The following SMARCA2 variants were observed in gnomAD, a reference collection of about 807,000 sequenced individuals.
The protein encoded by SMARCA2 is SWI/SNF-related matrix-associated actin-dependent regulator of chromatin subfamily A member 2.
A neutral mutation model predicts 199.8 loss-of-function variants in SMARCA2; 61 were observed. That is an observed-to-expected ratio of 0.31 (90% CI 0.25 to 0.38). The LOEUF (loss-of-function observed/expected upper bound fraction) is 0.38, where lower values mean the gene tolerates loss of function less well. SMARCA2 is among the 10% of genes least tolerant of loss of function. SMARCA2 has a pLI of 1.00. For missense variants in SMARCA2, 1,344 were observed against 2,012.2 expected (o/e 0.67, Z 6.35); for synonymous variants, 935 against 732.0 (o/e 1.28, Z -4.48).
chr9:2,161,622 C>G lies in SMARCA2; in HGVS notation c.3982-64C>G. 1 of 1,084,722 alleles carries G rather than the reference C, an allele frequency of 9.2e-7. No individual in the cohort carries two copies. Among genetic ancestry groups the G allele is most frequent in the Non-Finnish European group, 1.4e-6 (1 of 722,246 alleles). 67.2% of individuals were successfully genotyped at this position (1,084,722 alleles called of 1,614,324 possible). ...TGTTGGAGCTATATATAAATATACA[C>G]ATACTTTTTTTGTCTTGGTTATTCT... On this transcript the variant is annotated intron_variant, in intron 27 of 33. Coordinates refer to ENST00000349721, the MANE Select transcript of SMARCA2 (RefSeq NM_003070.5). The surrounding 1 kb of genome is among the most constrained non-coding windows in gnomAD (Gnocchi z 4.7).
intron 2 of SMARCA2, among the ~76,000 whole-genome samples, chr9:2,030,859 G>A (rs1050011688): frequency 5.3e-5 from 8 of 152,064 alleles, no homozygotes; most frequent in South Asian, 2.1e-4. Context: ...TTTAGGGTAG[G>A]GCATCAGAGC....
intron 10 of SMARCA2, among the ~76,000 whole-genome samples, chr9:2,072,507 T>TGG (rs200598139): frequency 6.6e-6 from 1 of 152,204 alleles, no homozygotes; most frequent in African/African-American, 2.4e-5. Context: ...GTTAGACCCC[T>TGG]GGGGGGTTAG....
intron 29 of SMARCA2, among the ~76,000 whole-genome samples, chr9:2,173,002 A>G (rs993048727): frequency 6.6e-6 from 1 of 152,168 alleles, no homozygotes; most frequent in Admixed American, 6.5e-5. Context: ...AGTAGGTAGG[A>G]AGACAAGGGA....
intron 31 of SMARCA2, among the ~76,000 whole-genome samples, chr9:2,185,581 G>T (rs1009948527): frequency 6.6e-6 from 1 of 152,154 alleles, no homozygotes; most frequent in African/African-American, 2.4e-5. Flanking sequence ...TGAGGAAAAG[G>T]ACCATTTTTG....
chr9:2,067,897 T>G (rs1035117183), intron 9 of SMARCA2, among the ~76,000 whole-genome samples: 1 of 152,230 alleles, frequency 6.6e-6, no homozygotes, highest in African/African-American at 2.4e-5. Flanking sequence ...GAAAGTATCC[T>G]TCAGAATAGT....
At chr9:2,150,551 C>A (rs1287700442) in intron 27 of SMARCA2, among the ~76,000 whole-genome samples, 1 of 151,628 alleles carries the variant, frequency 6.6e-6, no homozygotes, top group Non-Finnish European at 1.5e-5. Context: ...ATAAAGCCTG[C>A]CATCGTTTAC....
intron 27 of SMARCA2, among the ~76,000 whole-genome samples, chr9:2,129,291 G>A (rs896277154): frequency 1.2e-4 from 18 of 152,234 alleles, no homozygotes; most frequent in African/African-American, 4.1e-4. Context: ...GGTGGCACGT[G>A]CCTGTAGTCC....
chr9:2,052,572 G>T (rs190838160), intron 5 of SMARCA2, among the ~76,000 whole-genome samples: 1 of 152,194 alleles, frequency 6.6e-6, no homozygotes, highest in Non-Finnish European at 1.5e-5. Context: ...AACGAATAAC[G>T]TGCGTATAGC....
chr9:2,122,668 G>A (rs983576800), intron 26 of SMARCA2, among the ~76,000 whole-genome samples: 10 of 152,132 alleles, frequency 6.6e-5, no homozygotes, highest in Admixed American at 1.3e-4. Flanking sequence ...TTGGGTTTGC[G>A]TAGATATTTC....
chr9:2,131,412 C>T (rs778893595), intron 27 of SMARCA2, among the ~76,000 whole-genome samples: 4 of 152,094 alleles, frequency 2.6e-5, no homozygotes, highest in Admixed American at 1.3e-4. Context: ...TGCAGTTGGG[C>T]CCCAGTAAAC....
chr9:2,119,224 G>A lies in SMARCA2; in HGVS notation c.3685-234G>A, dbSNP rs1823344115. Among the ~76,000 whole-genome samples the A allele has an allele frequency of 6.6e-6, 1 of 152,182 alleles. No individual in the cohort carries two copies. The highest frequency in any genetic ancestry group is 6.5e-5 in the Admixed American group (1 of 15,284). On this transcript the variant is annotated intron_variant, in intron 25 of 33. Coordinates refer to ENST00000349721, the MANE Select transcript of SMARCA2 (RefSeq NM_003070.5). This position sits in a 1 kb window ranked among gnomAD's most constrained non-coding sequence, Gnocchi z 4.6. The stretch of plus-strand genomic sequence containing the variant: ...ACAGAATCAAGATACACATCCAGGA[G>A]AACTCATATTTCTTATAGTGGACCA...
chr9:2,107,249 G>A (rs1206626129), intron 23 of SMARCA2, among the ~76,000 whole-genome samples: 1 of 152,148 alleles, frequency 6.6e-6, no homozygotes, highest in Non-Finnish European at 1.5e-5. Flanking sequence ...CCATAGCTTT[G>A]TATGAAAAAT....
chr9:2,015,476 A>AC (rs1373848845), intron 1 of SMARCA2, 72 bp downstream of exon 1: 1 of 152,642 alleles, frequency 6.6e-6, no homozygotes, highest in East Asian at 1.9e-4. Flanking sequence ...CGCCGCTCAG[A>AC]CCCCTCCGGC....
chr9:2,051,829 C>T (rs1013177728), intron 5 of SMARCA2, among the ~76,000 whole-genome samples: 2 of 151,860 alleles, frequency 1.3e-5, no homozygotes, highest in African/African-American at 4.8e-5. Context: ...TTATTTTTTC[C>T]CTTTAAATTA....
chr9:2,049,521 C>T (rs748614704), intron 5 of SMARCA2, among the ~76,000 whole-genome samples: 15 of 152,300 alleles, frequency 9.8e-5, no homozygotes, highest in South Asian at 4.1e-4. Flanking sequence ...TTATAAATGC[C>T]TACTCTTTTG....
chr9:2,102,291 T>C (rs531636152), intron 22 of SMARCA2, among the ~76,000 whole-genome samples: 1 of 152,292 alleles, frequency 6.6e-6, no homozygotes, highest in African/African-American at 2.4e-5. Flanking sequence ...GCTGCTAAGC[T>C]TTCCCTACCT....
intron 5 of SMARCA2, among the ~76,000 whole-genome samples, chr9:2,052,780 G>A (rs1463517192): frequency 2.6e-5 from 4 of 152,110 alleles, no homozygotes; most frequent in South Asian, 4.2e-4. Flanking sequence ...CAGCATTTAG[G>A]TCCAGGAGGT....
intron 15 of SMARCA2, among the ~76,000 whole-genome samples, chr9:2,082,377 A>G (rs774878636): frequency 3.4e-5 from 5 of 148,838 alleles, no homozygotes; most frequent in Admixed American, 6.7e-5. Context: ...TCCTTATTCC[A>G]TTTCCAAAAG....
intron 17 of SMARCA2, chr9:2,085,703 A>T (rs1340140823): frequency 6.6e-6 from 1 of 151,448 alleles, no homozygotes; most frequent in African/African-American, 2.4e-5. Context: ...TGATGATTTT[A>T]TTCCTTTTCT....
Sources: allele counts gnomAD v4.1 joint callset (sites outside exome capture counted in the v4.1 genomes callset), GRCh38; gene constraint gnomAD v4.1.1; non-coding constraint Gnocchi (gnomAD v3.1); transcripts MANE v1.5; gene names NCBI Gene and HGNC (gene_info 2026-07-23, HGNC 2026-07-21).